The following PALD1 variants were observed in gnomAD, a reference collection of about 807,000 sequenced individuals.
PALD1 encodes phosphatase domain containing paladin 1.
In PALD1, 57 loss-of-function variants were observed where a neutral mutation model predicts 96.0. That is an observed-to-expected ratio of 0.59 (90% CI 0.48 to 0.74). PALD1 has a LOEUF of 0.74. Among genes scored for constraint, PALD1 ranks in the 30% least tolerant of loss-of-function variants. The probability of loss-of-function intolerance (pLI) is 0.00; values close to 1 mark genes in which losing one functional copy is unlikely to be tolerated. For synonymous variants in PALD1, 464 were observed against 473.6 expected (o/e 0.98, Z 0.26); for missense variants, 1,063 against 1,143.7 (o/e 0.93, Z 1.02).
chr10:70,493,780 A>C (rs2132275753), intron 1 of PALD1, among the ~76,000 whole-genome samples: 1 of 152,166 alleles, frequency 6.6e-6, no homozygotes, highest in East Asian at 1.9e-4. Flanking sequence ...CCATGTCCTC[A>C]CCTGTCCTCT....
intron 1 of PALD1, 79 bp from the exon 2 acceptor site, chr10:70,525,844 G>A (rs1846847950): frequency 9.0e-7 from 1 of 1,112,868 alleles, no homozygotes; most frequent in Non-Finnish European, 1.3e-6. Context: ...TCTGTATGGT[G>A]GAGGGCGAGA....
intron 1 of PALD1, among the ~76,000 whole-genome samples, chr10:70,519,407 C>T (rs1846682636): frequency 6.6e-6 from 1 of 152,076 alleles, no homozygotes; most frequent in African/African-American, 2.4e-5. Context: ...ATCTTGCCTT[C>T]TTGCCGTATC....
At chr10:70,480,931 G>A (rs1845920099) in intron 1 of PALD1, among the ~76,000 whole-genome samples, 1 of 152,194 alleles carries the variant, frequency 6.6e-6, no homozygotes, top group Admixed American at 6.5e-5. Flanking sequence ...TGGTGGGGGT[G>A]AGCAAACAAC....
At chr10:70,489,729 C>G (rs1269252057) in intron 1 of PALD1, among the ~76,000 whole-genome samples, 1 of 152,176 alleles carries the variant, frequency 6.6e-6, no homozygotes, top group Non-Finnish European at 1.5e-5. Context: ...TTAGTACATT[C>G]AAAGAGCTGT....
At chr10:70,537,986 G>A in intron 11 of PALD1, 80 bp downstream of exon 11, 2 of 1,086,728 alleles carry the variant, frequency 1.8e-6, no homozygotes, top group Non-Finnish European at 2.8e-6. Flanking sequence ...CTGGCTTGCT[G>A]TGGAGGGAGA....
At chr10:70,565,499 G>C (rs1185376086) in intron 19 of PALD1, among the ~76,000 whole-genome samples, 1 of 152,246 alleles carries the variant, frequency 6.6e-6, no homozygotes, top group Non-Finnish European at 1.5e-5. Context: ...CTCCTGGGAA[G>C]TGGGTGGGTG....
intron 17 of PALD1, among the ~76,000 whole-genome samples, chr10:70,543,610 G>A (rs1345739302): frequency 6.6e-6 from 1 of 152,170 alleles, no homozygotes; most frequent in African/African-American, 2.4e-5. Flanking sequence ...TGGATATCTG[G>A]TTTTTCCAGC....
chr10:70,466,549 A>G, the PALD1 span, among the ~76,000 whole-genome samples: 2 of 152,166 alleles, frequency 1.3e-5, no homozygotes. Context: ...AGCCATTTTA[A>G]CGATTTTTAA....
At position 70,538,967 on chromosome 10, in the gene PALD1, C is replaced by G. The variant is rs1320551998; in HGVS notation, c.1528C>G (p.Pro510Ala). Residue 510 changes from proline to alanine, a missense_variant, in exon 13 of 20, where the codon CCC (proline) becomes GCC (alanine). Pro to Ala is a conservative substitution (Grantham distance 27). Transcript: ENST00000263563. ...GGATGTGGCCAACTTCCGGCGGGTG[C>G]CCCGCATGCCCATCTACGGCACGGC... ...EMDVANFRRV[P>A]RMPIYGTAQP... 1 of 1,613,788 alleles carries G rather than the reference C, an allele frequency of 6.2e-7. No individual in the cohort carries two copies. The highest frequency in any genetic ancestry group is 8.5e-7 in the Non-Finnish European group (1 of 1,179,932).
At chr10:70,476,856 G>C (rs987329259), upstream of PALD1, among the ~76,000 whole-genome samples, 1 of 151,580 alleles carries the variant, frequency 6.6e-6, no homozygotes, top group African/African-American at 2.4e-5. Context: ...CCCAGCATCT[G>C]CTGGGCAGGG....
intron 1 of PALD1, among the ~76,000 whole-genome samples, chr10:70,517,916 T>C (rs986262978): frequency 1.3e-5 from 2 of 152,018 alleles, no homozygotes; most frequent in Admixed American, 6.5e-5. Flanking sequence ...TTATTTTTAT[T>C]TTTTGAGATG....
chr10:70,494,424 C>G (rs1846154090), intron 1 of PALD1, among the ~76,000 whole-genome samples: 1 of 152,126 alleles, frequency 6.6e-6, no homozygotes, highest in Admixed American at 6.5e-5. Flanking sequence ...ATGCATGAGC[C>G]CATTTTATAG....
chr10:70,509,653 G>T (rs1002195759), intron 1 of PALD1, among the ~76,000 whole-genome samples: 3 of 152,218 alleles, frequency 2.0e-5, no homozygotes, highest in African/African-American at 7.2e-5. Context: ...ACTGAAGGGG[G>T]TGAGGGTGGC....
intron 18 of PALD1, among the ~76,000 whole-genome samples, chr10:70,562,661 G>A (rs1169666555): frequency 6.6e-6 from 1 of 152,204 alleles, no homozygotes; most frequent in Admixed American, 6.5e-5. Flanking sequence ...TCCTGGAGCA[G>A]GGAGAGCTGC....
intron 17 of PALD1, among the ~76,000 whole-genome samples, chr10:70,547,065 A>G (rs1490755972): frequency 2.6e-5 from 4 of 152,332 alleles, no homozygotes; most frequent in African/African-American, 9.6e-5. Context: ...ACTGATCCTC[A>G]ACACAACCAA....
intron 1 of PALD1, among the ~76,000 whole-genome samples, chr10:70,496,955 T>C (rs564081574): frequency 6.6e-6 from 1 of 152,222 alleles, no homozygotes; most frequent in South Asian, 2.1e-4. Context: ...AGCTGCAGCC[T>C]TGTGGGAGAG....
chr10:70,566,534 ACCCT>A, intron 19 of PALD1, 43 bp from the exon 20 acceptor site: 1 of 1,495,896 alleles, frequency 6.7e-7, no homozygotes, highest in Non-Finnish European at 9.1e-7. Context: ...CCTTAGTGGC[ACCCT>A]CCCTCCCCTG....
intron 5 of PALD1, among the ~76,000 whole-genome samples, chr10:70,532,011 G>A (rs1414964801): frequency 6.6e-6 from 1 of 151,748 alleles, no homozygotes; most frequent in Non-Finnish European, 1.5e-5. Flanking sequence ...GAAAAAGAAA[G>A]GGTTCTAGGT....
At chr10:70,485,882 T>C (rs147294846) in intron 1 of PALD1, 673 of 157,014 alleles carry the variant, frequency 4.3e-3, no homozygotes, top group Non-Finnish European at 6.1e-3. Context: ...GTTCTGGTCT[T>C]GAGCTCTCAA....
Sources: allele counts gnomAD v4.1 joint callset (sites outside exome capture counted in the v4.1 genomes callset), GRCh38; gene constraint gnomAD v4.1.1; transcripts MANE v1.5; gene names NCBI Gene and HGNC (gene_info 2026-07-23, HGNC 2026-07-21).